Variants in ANK3 observed in about 807,000 individuals in gnomAD.
ANK3 encodes the protein ankyrin 3.
ANK3 carries 57 observed loss-of-function variants against 370.9 expected under a neutral mutation model. That is an observed-to-expected ratio of 0.15 (90% confidence interval 0.12 to 0.19). The LOEUF (loss-of-function observed/expected upper bound fraction) is 0.19. Ranked by LOEUF, ANK3 falls within the 10% of genes least tolerant of loss-of-function variation. ANK3 has a pLI of 1.00. For missense variants in ANK3, 4,439 were observed against 5,302.1 expected (o/e 0.84, Z 5.06); for synonymous variants, 1,929 against 1,946.3 (o/e 0.99, Z 0.23).
Position 60,401,012 on chromosome 10 carries a change from A to G in ANK3, c.97-121373T>C, listed in dbSNP as rs918125013. Among the ~76,000 whole-genome samples, 4 of 151,798 alleles carry G rather than the reference A, an allele frequency of 2.6e-5. No individual in the cohort carries two copies. The East Asian group carries it at 5.8e-4, about 22-fold the overall frequency. On this transcript the variant is annotated intron_variant, in intron 2 of 43. Transcript: ENST00000373827. ...TGTGTAGAGCTTTTCTGTAAAAGCC[A>G]TTTTTATTCATTTTTCCTGCCTTCA...
intron 1 of ANK3, among the ~76,000 whole-genome samples, chr10:60,634,460 C>T (rs917749917): frequency 3.9e-5 from 6 of 152,022 alleles, no homozygotes; most frequent in African/African-American, 1.2e-4. Flanking sequence ...GGATTGTAAA[C>T]GGACCAATCG....
chr10:60,396,678 AT>A (rs2063246801), intron 2 of ANK3, among the ~76,000 whole-genome samples: 1 of 152,218 alleles, frequency 6.6e-6, no homozygotes, highest in Admixed American at 6.5e-5. Context: ...TCTTCTGATA[AT>A]TCAATAAACT....
At chr10:60,395,621 TCTCTC>T (rs2063217967) in intron 2 of ANK3, among the ~76,000 whole-genome samples, 91 of 26,062 alleles carry the variant, frequency 3.5e-3, no homozygotes, top group Non-Finnish European at 4.6e-3. Context: ...TCTTTCGTTC[TCTCTC>T]TCTCTCTCTC....
intron 1 of ANK3, among the ~76,000 whole-genome samples, chr10:60,726,313 C>T (rs554859890): frequency 6.6e-6 from 1 of 152,300 alleles, no homozygotes; most frequent in South Asian, 2.1e-4. Context: ...CTCCTTTCCA[C>T]TCCATCTAAT....
chr10:60,633,572 G>A (rs1034393279), intron 1 of ANK3, among the ~76,000 whole-genome samples: 2 of 152,044 alleles, frequency 1.3e-5, no homozygotes, highest in African/African-American at 4.8e-5. Context: ...GTATAGATTT[G>A]GATACAAAAT....
intron 17 of ANK3, among the ~76,000 whole-genome samples, chr10:60,183,491 T>C (rs980242433): frequency 1.3e-5 from 2 of 152,200 alleles, no homozygotes; most frequent in African/African-American, 4.8e-5. Flanking sequence ...AATATGAAGG[T>C]AACCACAGCC....
At chr10:60,165,689 C>A (rs1165294596) in intron 23 of ANK3, among the ~76,000 whole-genome samples, 1 of 152,056 alleles carries the variant, frequency 6.6e-6, no homozygotes, top group Non-Finnish European at 1.5e-5. Flanking sequence ...GGGAAGATTA[C>A]TTAAAGGCAA....
intron 1 of ANK3, among the ~76,000 whole-genome samples, chr10:60,711,842 C>A (rs2079713250): frequency 6.6e-6 from 1 of 152,186 alleles, no homozygotes; most frequent in East Asian, 1.9e-4. Context: ...GAAATAAACA[C>A]CTTACCTAAA....
rs888625284 is a variant in ANK3 at position 60,079,094 on chromosome 10, G to A, written c.4432+1443C>T. On this transcript the variant is annotated intron_variant, in intron 36 of 43. Transcript: ENST00000280772. ...GGGTCTCAACCAACTACCCACTGAG[G>A]ATCTCTAGGGCAAAATAGTATTCCA... Among the ~76,000 whole-genome samples, 4 of 150,120 alleles carry A rather than the reference G, an allele frequency of 2.7e-5. No individual in the cohort carries two copies. In the East Asian group the frequency reaches 6.1e-4, roughly 23 times the overall value.
chr10:60,525,751 A>AG (rs2076453400), intron 2 of ANK3, among the ~76,000 whole-genome samples: 1 of 152,120 alleles, frequency 6.6e-6, no homozygotes, highest in East Asian at 1.9e-4. Context: ...TGCAACATGG[A>AG]GGGAATAGAA....
At chr10:60,684,864 G>A in intron 1 of ANK3, 1 of 1,490,802 alleles carries the variant, frequency 6.7e-7, no homozygotes, top group Non-Finnish European at 9.2e-7. Context: ...AAATAACTAG[G>A]TTATCAGAAA....
At chr10:60,376,875 T>C (rs1305690145) in intron 1 of ANK3, among the ~76,000 whole-genome samples, 1 of 152,166 alleles carries the variant, frequency 6.6e-6, no homozygotes. Flanking sequence ...ATATTAACTG[T>C]AGTTGGAATA....
intron 1 of ANK3, among the ~76,000 whole-genome samples, chr10:60,697,602 T>C (rs1193180504): frequency 1.4e-5 from 2 of 140,672 alleles, no homozygotes; most frequent in Non-Finnish European, 3.1e-5. Flanking sequence ...TAATGCCGCA[T>C]ATCTACAACT....
intron 2 of ANK3, among the ~76,000 whole-genome samples, chr10:60,499,026 T>C (rs74826075): frequency 6.6e-6 from 1 of 152,244 alleles, no homozygotes; most frequent in African/African-American, 2.4e-5. Context: ...AAAGTGGCAG[T>C]TCTTTTAACC....
chr10:60,048,347 G>C (rs953126956), intron 42 of ANK3, among the ~76,000 whole-genome samples: 3 of 152,216 alleles, frequency 2.0e-5, no homozygotes, highest in Admixed American at 6.5e-5. Context: ...TCCCAGGAAT[G>C]ACAGCCCAAT....
intron 2 of ANK3, chr10:60,508,745 A>G (rs1326367564): frequency 2.6e-5 from 4 of 152,188 alleles, no homozygotes; most frequent in East Asian, 1.9e-4. Flanking sequence ...AAAGACAAAT[A>G]TAACTGTGTG....
intron 42 of ANK3, among the ~76,000 whole-genome samples, chr10:60,049,228 C>G (rs2077458461): frequency 6.6e-6 from 1 of 152,148 alleles, no homozygotes; most frequent in African/African-American, 2.4e-5. Context: ...TTATACAATG[C>G]CTTCCTCAGT....
intron 2 of ANK3, among the ~76,000 whole-genome samples, chr10:60,529,997 C>G (rs919776463): frequency 6.6e-6 from 1 of 152,108 alleles, no homozygotes; most frequent in Admixed American, 6.6e-5. Flanking sequence ...CCCATCCCAC[C>G]CCCTGCTTTT....
At chr10:60,119,261 G>A (rs978441785) in intron 25 of ANK3, among the ~76,000 whole-genome samples, 1 of 152,122 alleles carries the variant, frequency 6.6e-6, no homozygotes. Context: ...TGGAACCTAC[G>A]GTTTTATACA....
Sources: allele counts gnomAD v4.1 joint callset (sites outside exome capture counted in the v4.1 genomes callset), GRCh38; gene constraint gnomAD v4.1.1; transcripts MANE v1.5; gene names NCBI Gene and HGNC (gene_info 2026-07-23, HGNC 2026-07-21).